CFAP70: variants seen among roughly 807,000 people sequenced by gnomAD.
CFAP70 encodes the protein cilia- and flagella-associated protein 70.
A neutral mutation model predicts 137.6 loss-of-function variants in CFAP70; 81 were observed. That is an observed-to-expected ratio of 0.59 (90% CI 0.49 to 0.71). The LOEUF is 0.71. CFAP70 is among the 30% of genes least tolerant of loss of function. The pLI is 0.00. For synonymous variants in CFAP70, 382 were observed against 423.6 expected, an observed-to-expected ratio of 0.90 and a Z score of 1.20; for missense variants, 976 against 1,226.7, an observed-to-expected ratio of 0.80 and a Z score of 3.05.
chr10:73,321,033 C>T (rs1190774518), intron 9 of CFAP70, among the ~76,000 whole-genome samples: 2 of 152,136 alleles, frequency 1.3e-5, no homozygotes, highest in African/African-American at 2.4e-5. Flanking sequence ...TATTAGTAAA[C>T]ATTTAACCTC....
At chr10:73,350,395 A>C (rs948028736) in intron 3 of CFAP70, among the ~76,000 whole-genome samples, 1 of 152,156 alleles carries the variant, frequency 6.6e-6, no homozygotes, top group African/African-American at 2.4e-5. Flanking sequence ...TTTGTATTAG[A>C]ATGAGGTTGA....
intron 23 of CFAP70, 27 bp downstream of exon 24, chr10:73,274,406 G>C (rs756322034): frequency 1.3e-6 from 2 of 1,592,430 alleles, no homozygotes; most frequent in East Asian, 4.5e-5. Context: ...CAGACCACGG[G>C]GTTATTCCCC....
At chr10:73,343,195 G>A (rs1347779386) in intron 5 of CFAP70, among the ~76,000 whole-genome samples, 2 of 146,598 alleles carry the variant, frequency 1.4e-5, no homozygotes, top group Admixed American at 6.8e-5. Flanking sequence ...GGGTGACAGA[G>A]CGAGATTCCG....
At chr10:73,360,932 T>C (rs565766446), upstream of CFAP70, among the ~76,000 whole-genome samples, 1 of 152,122 alleles carries the variant, frequency 6.6e-6, no homozygotes. Context: ...AGATGTCACC[T>C]CCTTAAACAT....
At chr10:73,286,385 A>C (rs1474763656) in intron 19 of CFAP70, among the ~76,000 whole-genome samples, 2 of 152,158 alleles carry the variant, frequency 1.3e-5, no homozygotes, top group Non-Finnish European at 2.9e-5. Context: ...CGGAGCTTGC[A>C]GTGAGCCGAG....
chr10:73,274,447 G>T, exon 23 of CFAP70: 1 of 1,612,288 alleles, frequency 6.2e-7, no homozygotes, highest in Non-Finnish European at 8.5e-7. Flanking sequence ...TTCTCTTCCA[G>T]ATAGATGAGC....
At chr10:73,324,679 C>T (rs1049913483) in intron 8 of CFAP70, among the ~76,000 whole-genome samples, 16 of 152,078 alleles carry the variant, frequency 1.1e-4, no homozygotes, top group African/African-American at 2.7e-4. Flanking sequence ...TCGAGAACTA[C>T]GTGAAGAATG....
intron 14 of CFAP70, 109 bp from the exon 16 acceptor site, chr10:73,297,282 G>A (rs2048615830): frequency 5.2e-6 from 6 of 1,149,662 alleles, no homozygotes; most frequent in South Asian, 3.7e-5. Context: ...TTCAGAAAGC[G>A]ATTGATTTCT....
intron 2 of CFAP70, among the ~76,000 whole-genome samples, chr10:73,354,392 GT>G (rs1170320783): frequency 6.6e-6 from 1 of 151,554 alleles, no homozygotes; most frequent in East Asian, 1.9e-4. Context: ...CATTGTTGTT[GT>G]TTTTTTAATT....
chr10:73,288,575 C>T (rs1695686479), intron 19 of CFAP70, among the ~76,000 whole-genome samples: 1 of 152,124 alleles, frequency 6.6e-6, no homozygotes, highest in Non-Finnish European at 1.5e-5. Context: ...GTCCTACTAC[C>T]TAGGAACTAC....
chr10:73,279,564 AATAAATATAAG>A (rs1564775159), intron 19 of CFAP70, among the ~76,000 whole-genome samples: 1 of 147,194 alleles, frequency 6.8e-6, no homozygotes, highest in South Asian at 2.2e-4. Context: ...TAAATAAATA[AATAAATATAAG>A]AAGTTGGGCG....
rs200556479 is a variant in CFAP70, at chr10:73,292,008, C to T, written c.1777G>A (p.Val593Ile). The change falls in exon 17 of 27, where the codon GTC becomes ATC. Residue 593 changes from valine to isoleucine, a missense_variant. Coordinates refer to ENST00000310715, the Ensembl canonical transcript of CFAP70. The stretch of plus-strand genomic sequence containing the variant: ...TGATCCAGATTCTGGGGCTCACGGA[C>T]CAATCTCTAAGCATCAGGAGAGCCA... 7.4e-6 allele frequency: 12 copies of T among 1,614,004 alleles called. No homozygotes were observed. The Admixed American group carries it at 1.8e-4, about 25-fold the overall frequency.
At chr10:73,265,296 C>G (rs2045650633) in intron 25 of CFAP70, among the ~76,000 whole-genome samples, 1 of 147,192 alleles carries the variant, frequency 6.8e-6, no homozygotes, top group African/African-American at 2.5e-5. Context: ...GCACTCCAGT[C>G]TGGGCAACAG....
At chr10:73,263,338 C>T (rs1465453396) in intron 25 of CFAP70, among the ~76,000 whole-genome samples, 1 of 152,190 alleles carries the variant, frequency 6.6e-6, no homozygotes, top group Non-Finnish European at 1.5e-5. Context: ...CTCAATTGGC[C>T]TCCCAAAGTG....
At chr10:73,361,418 G>A (rs1012930500), upstream of CFAP70, among the ~76,000 whole-genome samples, 5 of 148,270 alleles carry the variant, frequency 3.4e-5, no homozygotes, top group African/African-American at 4.9e-5. Flanking sequence ...TCAGCCTCCC[G>A]TGTGTGTGTG....
intron 2 of CFAP70, 81 bp downstream of exon 2, chr10:73,354,653 T>C: frequency 3.5e-6 from 4 of 1,146,770 alleles, no homozygotes; most frequent in South Asian, 1.3e-5. Context: ...GGTTTGGAGG[T>C]AGAGAATGAA....
chr10:73,336,734 C>T (rs1015086064), intron 6 of CFAP70, among the ~76,000 whole-genome samples: 6 of 151,966 alleles, frequency 3.9e-5, no homozygotes, highest in South Asian at 4.2e-4. Flanking sequence ...TACAGGCGCA[C>T]GCCACCACGC....
At chr10:73,348,094 AGC>A in intron 4 of CFAP70, 60 bp downstream of exon 5, 1 of 1,458,576 alleles carries the variant, frequency 6.9e-7, no homozygotes. Flanking sequence ...GAACCTTAAT[AGC>A]AGACAGAATT....
intron 19 of CFAP70, among the ~76,000 whole-genome samples, chr10:73,284,459 T>C (rs962355220): frequency 6.6e-6 from 1 of 152,078 alleles, no homozygotes; most frequent in South Asian, 2.1e-4. Context: ...GATTAGGACA[T>C]GAACATCTTT....
Sources: allele counts gnomAD v4.1 joint callset (sites outside exome capture counted in the v4.1 genomes callset), GRCh38; gene constraint gnomAD v4.1.1; transcripts MANE v1.5; gene names NCBI Gene and HGNC (gene_info 2026-07-23, HGNC 2026-07-21).